The following ENOX1 variants were observed in gnomAD, a reference collection of about 807,000 sequenced individuals.
ENOX1 encodes ecto-NOX disulfide-thiol exchanger 1, also known as candidate growth-related and time keeping constitutive hydroquinone (NADH) oxidase.
ENOX1 carries 42 observed loss-of-function variants against 82.5 expected under a neutral mutation model. That is an observed-to-expected ratio of 0.51 (90% confidence interval 0.40 to 0.66). The LOEUF is 0.66. ENOX1 is among the 30% of genes least tolerant of loss of function. ENOX1 has a pLI of 0.00. For missense variants in ENOX1, 608 were observed against 811.6 expected (o/e 0.75, Z 3.05); for synonymous variants, 271 against 282.2 (o/e 0.96, Z 0.40).
At chr13:43,346,491 T>G (rs2049388440) in intron 8 of ENOX1, among the ~76,000 whole-genome samples, 1 of 152,164 alleles carries the variant, frequency 6.6e-6, no homozygotes, top group African/African-American at 2.4e-5. Context: ...AATGACAGAC[T>G]CAAGTTTCCT....
chr13:43,745,813 G>T (rs1327649820), intron 1 of ENOX1, among the ~76,000 whole-genome samples: 3 of 152,142 alleles, frequency 2.0e-5, no homozygotes, highest in Non-Finnish European at 4.4e-5. Context: ...GTTCTCATGA[G>T]ATCCTATGGT....
intron 12 of ENOX1, among the ~76,000 whole-genome samples, chr13:43,296,747 A>T (rs969412031): frequency 4.6e-5 from 7 of 152,090 alleles, no homozygotes; most frequent in African/African-American, 1.7e-4. Flanking sequence ...GCCTCCTCTG[A>T]CTTCTTTTAG....
At chr13:43,270,733 T>A (rs1300028368) in intron 12 of ENOX1, among the ~76,000 whole-genome samples, 3 of 152,122 alleles carry the variant, frequency 2.0e-5, no homozygotes, top group Admixed American at 6.6e-5. Flanking sequence ...TGGCACTGGG[T>A]ATAAATGTAA....
chr13:43,364,087 A>G (rs761358722), intron 5 of ENOX1, among the ~76,000 whole-genome samples: 15 of 151,550 alleles, frequency 9.9e-5, no homozygotes, highest in Non-Finnish European at 1.2e-4. Context: ...AAAAAAAAAG[A>G]ACCCATTACT....
intron 1 of ENOX1, among the ~76,000 whole-genome samples, chr13:43,715,296 G>A (rs1183259601): frequency 6.6e-6 from 1 of 152,096 alleles, no homozygotes; most frequent in Non-Finnish European, 1.5e-5. Flanking sequence ...AGTCTGATGG[G>A]CTTCCCTTTG....
At chr13:43,655,830 G>T (rs2084406344) in intron 2 of ENOX1, among the ~76,000 whole-genome samples, 1 of 152,118 alleles carries the variant, frequency 6.6e-6, no homozygotes, top group South Asian at 2.1e-4. Context: ...TTCCCGTTCT[G>T]GAAAAGTTCA....
chr13:43,402,777 T>C (rs911876714), intron 5 of ENOX1, among the ~76,000 whole-genome samples: 8 of 152,288 alleles, frequency 5.3e-5, no homozygotes, highest in Admixed American at 5.2e-4. Context: ...TGCACACACA[T>C]ATATACACAC....
chr13:43,780,466 T>G (rs890685756), intron 1 of ENOX1, among the ~76,000 whole-genome samples: 6 of 152,146 alleles, frequency 3.9e-5, no homozygotes, highest in Non-Finnish European at 8.8e-5. Flanking sequence ...CTTTTACACT[T>G]TGACAAAGAT....
chr13:43,611,260 A>G (rs2082188451), intron 2 of ENOX1, among the ~76,000 whole-genome samples: 1 of 152,180 alleles, frequency 6.6e-6, no homozygotes, highest in African/African-American at 2.4e-5. Context: ...ATACACATAT[A>G]CCCATCAATC....
chr13:43,634,414 T>G (rs2083337268), intron 2 of ENOX1, among the ~76,000 whole-genome samples: 1 of 152,144 alleles, frequency 6.6e-6, no homozygotes, highest in Non-Finnish European at 1.5e-5. Context: ...CCACCTACGA[T>G]GGATTTCATT....
At chr13:43,400,709 G>A (rs141854777) in intron 5 of ENOX1, among the ~76,000 whole-genome samples, 114 of 152,282 alleles carry the variant, frequency 7.5e-4, no homozygotes, top group Middle Eastern at 3.4e-3. Flanking sequence ...AAAAAGTGAT[G>A]TGCATAATAA....
At chr13:43,423,306 G>A (rs1054923540) in intron 3 of ENOX1, among the ~76,000 whole-genome samples, 1 of 151,904 alleles carries the variant, frequency 6.6e-6, no homozygotes, top group African/African-American at 2.4e-5. Flanking sequence ...AGTGATCACC[G>A]CTAGACTTTG....
At chr13:43,240,472 T>C (rs2042765578) in intron 14 of ENOX1, among the ~76,000 whole-genome samples, 1 of 152,122 alleles carries the variant, frequency 6.6e-6, no homozygotes, top group Non-Finnish European at 1.5e-5. Flanking sequence ...CAAATGAAAC[T>C]GGAGTCAGCC....
At chr13:43,505,770 T>C (rs558733103) in intron 2 of ENOX1, among the ~76,000 whole-genome samples, 2 of 152,302 alleles carry the variant, frequency 1.3e-5, no homozygotes, top group African/African-American at 4.8e-5. Flanking sequence ...ATCCCATTTG[T>C]CAATTGTGGC....
At chr13:43,434,979 GTGT>G (rs1473027557) in intron 3 of ENOX1, among the ~76,000 whole-genome samples, 26 of 67,890 alleles carry the variant, frequency 3.8e-4, no homozygotes, top group African/African-American at 1.6e-3. Flanking sequence ...CTATGTATTT[GTGT>G]TTTCTCTTCC....
At chr13:43,755,038 T>C (rs892338415) in intron 1 of ENOX1, among the ~76,000 whole-genome samples, 2 of 151,900 alleles carry the variant, frequency 1.3e-5, no homozygotes, top group African/African-American at 4.8e-5. Context: ...GTCACATGTT[T>C]CTCCATCCTT....
intron 5 of ENOX1, among the ~76,000 whole-genome samples, chr13:43,375,981 G>A (rs2051605410): frequency 6.6e-6 from 1 of 152,196 alleles, no homozygotes; most frequent in South Asian, 2.1e-4. Flanking sequence ...AGGTTATAAA[G>A]GATAAATCTG....
chr13:43,717,720 A>G (rs1292544596), intron 1 of ENOX1, among the ~76,000 whole-genome samples: 1 of 152,212 alleles, frequency 6.6e-6, no homozygotes, highest in Non-Finnish European at 1.5e-5. Context: ...CAATTTAAAA[A>G]TGAGCAAAGG....
chr13:43,413,671 G>A (rs2054270237), intron 3 of ENOX1, among the ~76,000 whole-genome samples: 1 of 144,332 alleles, frequency 6.9e-6, no homozygotes, highest in South Asian at 2.1e-4. Flanking sequence ...ATTTTCCTTA[G>A]AATTGCCCAG....
Sources: allele counts gnomAD v4.1 joint callset (sites outside exome capture counted in the v4.1 genomes callset), GRCh38; gene constraint gnomAD v4.1.1; transcripts MANE v1.5; gene names NCBI Gene and HGNC (gene_info 2026-07-23, HGNC 2026-07-21).